Variants in PTPRD observed in about 807,000 individuals in gnomAD.
PTPRD encodes protein tyrosine phosphatase receptor type D, also known as receptor-type tyrosine-protein phosphatase delta.
A neutral mutation model predicts 214.5 loss-of-function variants in PTPRD; 34 were observed. The observed-to-expected ratio is 0.16, with a 90% CI of 0.12 to 0.21. The LOEUF is 0.21. PTPRD is among the 10% of genes least tolerant of loss of function. PTPRD has a pLI of 1.00. For missense variants in PTPRD, 2,545 were observed against 2,398.7 expected (o/e 1.06, Z -1.27); for synonymous variants, 1,128 against 845.7 (o/e 1.33, Z -5.79).
intron 10 of PTPRD, among the ~76,000 whole-genome samples, chr9:9,157,843 A>T (rs2099882607): frequency 6.6e-6 from 1 of 152,144 alleles, no homozygotes; most frequent in Non-Finnish European, 1.5e-5. Flanking sequence ...CCCAATATCC[A>T]CTAGCTATTC....
intron 2 of PTPRD, among the ~76,000 whole-genome samples, chr9:10,582,461 T>C (rs1435761687): frequency 6.6e-6 from 1 of 152,208 alleles, no homozygotes; most frequent in Non-Finnish European, 1.5e-5. Context: ...GCTGTATATT[T>C]TGTTAGCTTG....
chr9:8,599,069 G>A (rs958696928), intron 14 of PTPRD, among the ~76,000 whole-genome samples: 2 of 152,118 alleles, frequency 1.3e-5, no homozygotes, highest in Non-Finnish European at 2.9e-5. Context: ...AAGTGGGCAG[G>A]TCTTTCCCAA....
chr9:9,907,273 A>G (rs1418602500), intron 5 of PTPRD, among the ~76,000 whole-genome samples: 2 of 151,936 alleles, frequency 1.3e-5, no homozygotes, highest in African/African-American at 4.8e-5. Context: ...GGGTTCTTAT[A>G]TAAGCATCAT....
chr9:8,440,186 C>T (rs1263282069), intron 34 of PTPRD, among the ~76,000 whole-genome samples: 1 of 151,870 alleles, frequency 6.6e-6, no homozygotes, highest in Non-Finnish European at 1.5e-5. Flanking sequence ...CTCTCTAACA[C>T]CCCATTAGCA....
chr9:8,557,336 C>G (rs183211431), intron 14 of PTPRD, among the ~76,000 whole-genome samples: 47 of 151,812 alleles, frequency 3.1e-4, no homozygotes, highest in Non-Finnish European at 4.4e-5. Flanking sequence ...CAATACATGT[C>G]ATGCTCTGTT....
intron 9 of PTPRD, among the ~76,000 whole-genome samples, chr9:9,350,169 A>G (rs535986119): frequency 6.6e-6 from 1 of 152,168 alleles, no homozygotes; most frequent in South Asian, 2.1e-4. Flanking sequence ...CAGCCTTAGT[A>G]TCATAAAAAA....
intron 35 of PTPRD, among the ~76,000 whole-genome samples, chr9:8,416,682 C>G (rs999277820): frequency 1.3e-5 from 2 of 152,094 alleles, no homozygotes; most frequent in African/African-American, 4.8e-5. Flanking sequence ...CAAGACTAGA[C>G]TGTCTTACTC....
At chr9:10,248,408 G>A (rs1013332455) in intron 3 of PTPRD, among the ~76,000 whole-genome samples, 38 of 151,088 alleles carry the variant, frequency 2.5e-4, no homozygotes, top group Non-Finnish European at 4.9e-4. Context: ...AGAAACTTAG[G>A]GAATGGGCGA....
intron 3 of PTPRD, among the ~76,000 whole-genome samples, chr9:10,147,431 G>T (rs190971768): frequency 6.6e-6 from 1 of 152,092 alleles, no homozygotes; most frequent in African/African-American, 2.4e-5. Context: ...CAATAGCAAA[G>T]ACTTGAAACA....
intron 7 of PTPRD, among the ~76,000 whole-genome samples, chr9:9,594,705 T>C (rs1235308487): frequency 6.6e-6 from 1 of 152,146 alleles, no homozygotes; most frequent in East Asian, 1.9e-4. Context: ...GGTAATGTGA[T>C]GCCTCTAGAT....
rs5896350 is a variant in PTPRD, at chr9:9,714,089, C to CAA, written c.-287+20442_-287+20443dup. 2.7e-3 allele frequency among the ~76,000 whole-genome samples: 345 copies of CAA among 126,960 alleles called. 1 individual carries two copies. The highest frequency in any genetic ancestry group is 9.2e-3 in the African/African-American group (316 of 34,490). 83.3% of individuals were successfully genotyped at this position (126,960 alleles called of 152,430 possible). On this transcript the variant is annotated intron_variant, in intron 7 of 45. Coordinates refer to ENST00000381196, the MANE Select transcript of PTPRD (RefSeq NM_002839.4). ...TTTTACAAGATGTTGTTCACTTGCGCAAAAAAAAAAAAAAAAAAAAATTTG... is the reference window on the plus strand; with the variant it reads ...TTTTACAAGATGTTGTTCACTTGCGCAAAAAAAAAAAAAAAAAAAAAAATTTG...
Position 10,278,560 on chromosome 9 carries a change from A to ATG in PTPRD, c.-545+62401_-545+62402dup, listed in dbSNP as rs140336006. 6.7e-3 allele frequency among the ~76,000 whole-genome samples: 1,019 copies of ATG among 152,092 alleles called. 5 individuals carry two copies. Among genetic ancestry groups the ATG allele is most frequent in the Non-Finnish European group, 0.011 (740 of 67,948 alleles). ...AAAGAAAGAACTCATGTGTGTGCCTATGTGTGTGTGTGTTGCTGCTCCAAA... is the reference window on the plus strand; with the variant it reads ...AAAGAAAGAACTCATGTGTGTGCCTATGTGTGTGTGTGTGTTGCTGCTCCAAA... On this transcript the variant is annotated intron_variant, in intron 3 of 45. Coordinates refer to ENST00000381196, the MANE Select transcript of PTPRD (RefSeq NM_002839.4).
chr9:10,139,127 C>A (rs2098963776), intron 3 of PTPRD, among the ~76,000 whole-genome samples: 1 of 152,000 alleles, frequency 6.6e-6, no homozygotes, highest in African/African-American at 2.4e-5. Flanking sequence ...TGATATGATT[C>A]TATACCTGGA....
intron 3 of PTPRD, among the ~76,000 whole-genome samples, chr9:10,212,126 T>G (rs867575047): frequency 1.2e-4 from 18 of 152,118 alleles, no homozygotes; most frequent in Non-Finnish European, 2.1e-4. Flanking sequence ...TATACCATTC[T>G]CTCAGTGACA....
chr9:9,938,771 G>A (rs548521110), intron 4 of PTPRD, among the ~76,000 whole-genome samples, 161 bp from the exon 5 acceptor site: 32 of 152,176 alleles, frequency 2.1e-4, no homozygotes, highest in African/African-American at 7.0e-4. Context: ...TTACATCTGA[G>A]GGATTAATAT....
At chr9:9,088,358 C>T (rs528598586) in intron 10 of PTPRD, among the ~76,000 whole-genome samples, 1 of 151,564 alleles carries the variant, frequency 6.6e-6, no homozygotes, top group South Asian at 2.1e-4. Flanking sequence ...GAGGCCGAGG[C>T]AGCTGGATCA....
At position 10,308,154 on chromosome 9, in the gene PTPRD, G is replaced by T. The variant is rs571258885; in HGVS notation, c.-545+32809C>A. 6.6e-5 allele frequency among the ~76,000 whole-genome samples: 10 copies of T among 151,926 alleles called. No individual in the cohort carries two copies. In the East Asian group the frequency reaches 1.2e-3, roughly 18 times the overall value. On this transcript the variant is annotated intron_variant, in intron 3 of 45. Transcript: ENST00000381196. ...AAATCTTTGCCTACATCAATGTCCT[G>T]AAGTGTTTTTCCTGTTTTCTTATAG...
chr9:10,121,490 T>G (rs1172502857), intron 3 of PTPRD, among the ~76,000 whole-genome samples: 1 of 152,118 alleles, frequency 6.6e-6, no homozygotes, highest in Non-Finnish European at 1.5e-5. Flanking sequence ...TAACAACACA[T>G]AACAAAACAC....
At chr9:9,954,977 A>C (rs527630688) in intron 4 of PTPRD, among the ~76,000 whole-genome samples, 1 of 152,198 alleles carries the variant, frequency 6.6e-6, no homozygotes, top group Non-Finnish European at 1.5e-5. Flanking sequence ...CTCACTTTAT[A>C]AATAATTGTG....
Sources: allele counts gnomAD v4.1 joint callset (sites outside exome capture counted in the v4.1 genomes callset), GRCh38; gene constraint gnomAD v4.1.1; transcripts MANE v1.5; gene names NCBI Gene and HGNC (gene_info 2026-07-23, HGNC 2026-07-21).